Variants in ZNF892 observed in about 807,000 individuals in gnomAD.
ZNF892 encodes zinc finger protein 570-like.
chr2:95,247,206 T>C, the ZNF892 span, among the ~76,000 whole-genome samples: 1 of 152,064 alleles, frequency 6.6e-6, no homozygotes, highest in African/African-American at 2.4e-5. Context: ...TAAAGTTGCA[T>C]ACCTACAGCC....
the ZNF892 span, among the ~76,000 whole-genome samples, chr2:95,249,068 C>A: frequency 6.6e-6 from 1 of 151,780 alleles, no homozygotes; most frequent in African/African-American, 2.4e-5. Context: ...AGGGACCTGT[C>A]ACAGCATCCG....
the ZNF892 span, chr2:95,215,211 G>T: frequency 2.2e-6 from 1 of 455,412 alleles, no homozygotes; most frequent in Non-Finnish European, 3.9e-6. Flanking sequence ...TGAGTGTAAC[G>T]AATGTGGGAA....
the ZNF892 span, among the ~76,000 whole-genome samples, chr2:95,253,296 A>G: frequency 6.6e-6 from 1 of 152,152 alleles, no homozygotes; most frequent in East Asian, 1.9e-4. Flanking sequence ...TCAGCTTTCT[A>G]CATATGACTA....
chr2:95,235,361 C>CTTT, the ZNF892 span, among the ~76,000 whole-genome samples: 24 of 132,106 alleles, frequency 1.8e-4, no homozygotes, highest in African/African-American at 5.2e-4. Flanking sequence ...TTCCAGTAAA[C>CTTT]TTTTTTTTTT....
the ZNF892 span, among the ~76,000 whole-genome samples, chr2:95,222,209 A>G: frequency 1.3e-5 from 2 of 152,260 alleles, no homozygotes; most frequent in East Asian, 1.9e-4. Context: ...GTAGTTTTCC[A>G]TGTTAGGTAC....
chr2:95,255,041 A>G, the ZNF892 span, among the ~76,000 whole-genome samples: 1 of 152,132 alleles, frequency 6.6e-6, no homozygotes, highest in Non-Finnish European at 1.5e-5. Flanking sequence ...TCCTGGATTC[A>G]TGGATTTTTT....
the ZNF892 span, among the ~76,000 whole-genome samples, chr2:95,262,189 C>CA: frequency 6.6e-6 from 1 of 152,128 alleles, no homozygotes; most frequent in Non-Finnish European, 1.5e-5. Flanking sequence ...AGCAAGAATG[C>CA]AAGTGAGGGA....
chr2:95,260,816 A>T, the ZNF892 span, among the ~76,000 whole-genome samples: 1 of 152,170 alleles, frequency 6.6e-6, no homozygotes, highest in Non-Finnish European at 1.5e-5. Flanking sequence ...GGGAGGTGGG[A>T]TCACCAGCAG....
At chr2:95,224,980 A>G in the ZNF892 span, among the ~76,000 whole-genome samples, 3 of 152,180 alleles carry the variant, frequency 2.0e-5, no homozygotes, top group Non-Finnish European at 4.4e-5. Flanking sequence ...AACAGATACT[A>G]GCTCCTTGAT....
At chr2:95,221,354 G>C in the ZNF892 span, among the ~76,000 whole-genome samples, 1 of 152,146 alleles carries the variant, frequency 6.6e-6, no homozygotes, top group Non-Finnish European at 1.5e-5. Flanking sequence ...CATCTTTTGA[G>C]ATAATCATAT....
At chr2:95,235,048 G>A in the ZNF892 span, among the ~76,000 whole-genome samples, 1 of 152,140 alleles carries the variant, frequency 6.6e-6, no homozygotes, top group Admixed American at 6.5e-5. Flanking sequence ...GCTGGTGTCC[G>A]CTGCACAACT....
the ZNF892 span, among the ~76,000 whole-genome samples, chr2:95,228,512 C>G: frequency 6.6e-6 from 1 of 152,290 alleles, no homozygotes; most frequent in South Asian, 2.1e-4. Flanking sequence ...TTACTTTGTT[C>G]ACATGTTGTC....
At chr2:95,254,308 C>G in the ZNF892 span, among the ~76,000 whole-genome samples, 3 of 152,158 alleles carry the variant, frequency 2.0e-5, no homozygotes, top group African/African-American at 4.8e-5. Flanking sequence ...TGAATTTTGT[C>G]AAAGGTCTTT....
the ZNF892 span, among the ~76,000 whole-genome samples, chr2:95,236,496 C>T: frequency 1.3e-5 from 2 of 152,192 alleles, no homozygotes; most frequent in South Asian, 2.1e-4. Context: ...AATTAATTCT[C>T]GTTCTGCTCT....
At chr2:95,211,540 G>A in the ZNF892 span, 1 of 397,608 alleles carries the variant, frequency 2.5e-6, no homozygotes, top group Non-Finnish European at 4.4e-6. Flanking sequence ...TCCTCCTCCT[G>A]TGCTGTCAGT....
chr2:95,262,045 C>T, the ZNF892 span, among the ~76,000 whole-genome samples: 1 of 152,234 alleles, frequency 6.6e-6, no homozygotes, highest in Admixed American at 6.5e-5. Context: ...TTACGCTTGA[C>T]AAGTACAGGA....
chr2:95,214,984 G>A, the ZNF892 span: 3 of 500,976 alleles, frequency 6.0e-6, no homozygotes, highest in Non-Finnish European at 7.3e-6. Flanking sequence ...TTTAATCAGA[G>A]TTCATACCTC....
chr2:95,227,399 C>T, the ZNF892 span, among the ~76,000 whole-genome samples: 1 of 151,980 alleles, frequency 6.6e-6, no homozygotes, highest in African/African-American at 2.4e-5. Context: ...TCATGGCTCA[C>T]TGCAGCCTCA....
chr2:95,258,748 C>A, the ZNF892 span, among the ~76,000 whole-genome samples: 1 of 152,108 alleles, frequency 6.6e-6, no homozygotes, highest in Non-Finnish European at 1.5e-5. Flanking sequence ...TCCATAGGTT[C>A]TAGAGCAAAT....
Sources: gnomAD v4.1 joint callset for allele counts (sites outside exome capture counted in the v4.1 genomes callset) on GRCh38, gnomAD v4.1.1 for gene constraint, MANE v1.5 for transcripts, NCBI Gene and HGNC (gene_info 2026-07-23, HGNC 2026-07-21) for gene names.